SLC2A5: variants seen among roughly 807,000 people sequenced by gnomAD.
SLC2A5 encodes the protein solute carrier family 2 member 5.
SLC2A5 carries 56 observed loss-of-function variants against 50.3 expected under a neutral mutation model. That is an observed-to-expected ratio of 1.11 (90% CI 0.90 to 1.39). The LOEUF (loss-of-function observed/expected upper bound fraction) is 1.39. Ranked by LOEUF, SLC2A5 falls within the 40% of genes most tolerant of loss-of-function variation. The pLI is 0.00. For synonymous variants in SLC2A5, 269 were observed against 281.9 expected, an observed-to-expected ratio of 0.95 and a Z score of 0.46; for missense variants, 566 against 650.1, an observed-to-expected ratio of 0.87 and a Z score of 1.41.
At chr1:9,078,897 T>C (rs1642321551) in intron 2 of SLC2A5, among the ~76,000 whole-genome samples, 1 of 152,186 alleles carries the variant, frequency 6.6e-6, no homozygotes, top group South Asian at 2.1e-4. Context: ...GAAGGAATCA[T>C]TAACAGATTC....
At chr1:9,045,700 T>G (rs1178527601) in intron 4 of SLC2A5, among the ~76,000 whole-genome samples, 1 of 151,696 alleles carries the variant, frequency 6.6e-6, no homozygotes, top group African/African-American at 2.4e-5. Flanking sequence ...TGAAACCCCA[T>G]CTCTACCAAA....
chr1:9,070,072 GTTTTTTTTTTTT>G (rs56828280), upstream of SLC2A5, among the ~76,000 whole-genome samples: 15 of 62,514 alleles, frequency 2.4e-4, no homozygotes, highest in Admixed American at 1.7e-3. Flanking sequence ...CTCATTTTCT[GTTTTTTTTTTTT>G]TTTTTTTTTT....
chr1:9,061,789 G>A (rs892450902), intron 1 of SLC2A5, among the ~76,000 whole-genome samples: 1 of 152,148 alleles, frequency 6.6e-6, no homozygotes, highest in Non-Finnish European at 1.5e-5. Flanking sequence ...GCACAGCCCA[G>A]CTGGTGGAGC....
intron 1 of SLC2A5, among the ~76,000 whole-genome samples, chr1:9,087,607 C>T (rs1642416489): frequency 6.6e-6 from 1 of 151,936 alleles, no homozygotes; most frequent in South Asian, 2.1e-4. Context: ...AGCAGCGGCC[C>T]TCATCCTGAA....
At chr1:9,052,645 T>C (rs759532592) in intron 3 of SLC2A5, among the ~76,000 whole-genome samples, 10 of 152,288 alleles carry the variant, frequency 6.6e-5, no homozygotes, top group African/African-American at 9.6e-5. Context: ...AGACTATGCA[T>C]GTATTGGAGG....
intron 4 of SLC2A5, among the ~76,000 whole-genome samples, chr1:9,047,208 C>T (rs746478767): frequency 7.9e-5 from 12 of 152,178 alleles, no homozygotes; most frequent in Non-Finnish European, 1.5e-4. Flanking sequence ...GTGATCCTCC[C>T]GCCTCGGCTT....
At chr1:9,089,929 AGTATCCAT>A (rs1238093105), upstream of SLC2A5, among the ~76,000 whole-genome samples, 2 of 152,224 alleles carry the variant, frequency 1.3e-5, no homozygotes, top group African/African-American at 4.8e-5. Context: ...TAATTTGGAC[AGTATCCAT>A]TAATATTACT....
chr1:9,081,335 A>G (rs918262194), intron 2 of SLC2A5, among the ~76,000 whole-genome samples: 1 of 151,060 alleles, frequency 6.6e-6, no homozygotes, highest in Non-Finnish European at 1.5e-5. Context: ...GCCTCAAAAG[A>G]CATTATCAAG....
intron 3 of SLC2A5, among the ~76,000 whole-genome samples, chr1:9,052,493 A>G (rs1318249170): frequency 1.3e-5 from 2 of 152,190 alleles, no homozygotes; most frequent in African/African-American, 4.8e-5. Flanking sequence ...GTCATTACGC[A>G]TTTGTCAAAA....
chr1:9,060,795 C>G (rs535833119), intron 1 of SLC2A5, among the ~76,000 whole-genome samples: 5 of 152,072 alleles, frequency 3.3e-5, no homozygotes, highest in African/African-American at 1.2e-4. Context: ...CATTCATTCA[C>G]TCGTCTATTC....
At chr1:9,052,014 G>C (rs964947882) in intron 3 of SLC2A5, among the ~76,000 whole-genome samples, 1 of 152,190 alleles carries the variant, frequency 6.6e-6, no homozygotes, top group Non-Finnish European at 1.5e-5. Context: ...GGCCAGGCGC[G>C]GTGGCTCACG....
chr1:9,089,807 G>A (rs1449787956), upstream of SLC2A5, among the ~76,000 whole-genome samples: 2 of 152,190 alleles, frequency 1.3e-5, no homozygotes, highest in Non-Finnish European at 2.9e-5. Flanking sequence ...TCATAATGAA[G>A]CCCCCTGACC....
chr1:9,072,303 C>T (rs1007544656), upstream of SLC2A5: 6 of 152,522 alleles, frequency 3.9e-5, no homozygotes, highest in African/African-American at 1.2e-4. Flanking sequence ...TCCTGGCAAA[C>T]CTGAGGCAAG....
intron 3 of SLC2A5, among the ~76,000 whole-genome samples, chr1:9,050,860 C>A (rs548561629): frequency 1.3e-5 from 2 of 152,052 alleles, no homozygotes; most frequent in Admixed American, 6.6e-5. Flanking sequence ...ATATGCATTA[C>A]ATAAAAGTAA....
rs9434679 is a variant in SLC2A5, at chr1:9,054,016, G to A, written c.293+3432C>T. On this transcript the variant is annotated intron_variant, in intron 3 of 11. Transcript: ENST00000377424. The stretch of plus-strand genomic sequence containing the variant: ...AATGAAAAATATAATCATTAAAAAC[G>A]TAGCAGGTTTATTACATCCGAAGAG... Among the ~76,000 whole-genome samples, 454 of 152,024 alleles carry A rather than the reference G, an allele frequency of 3.0e-3. 3 individuals are homozygous for A. The highest frequency in any genetic ancestry group is 0.01 in the African/African-American group (434 of 41,472).
rs34032446 is a variant in SLC2A5, at chr1:9,068,449, C to CT, written c.33+1054dup. ...GGGGCTTCTACTTCCCAGGCCCACT[C>CT]TTTTTTTTTTTTTTTTTTTGAGATG... is the stretch of plus-strand genomic sequence containing the variant. On this transcript the variant is annotated intron_variant, in intron 1 of 11. Transcript: ENST00000377424. Among the ~76,000 whole-genome samples, 245 of 117,378 alleles carry CT rather than the reference C, an allele frequency of 2.1e-3. 4 individuals are homozygous for CT. In the South Asian group the frequency reaches 0.041, roughly 20 times the overall value. 77.0% of individuals were successfully genotyped at this position (117,378 alleles called of 152,430 possible). A position where few individuals can be genotyped will look rare whatever the true frequency, so the allele number is the denominator to read the frequency against.
intron 5 of SLC2A5, 184 bp downstream of exon 5, chr1:9,041,601 G>A (rs779511563): frequency 1.6e-5 from 23 of 1,445,884 alleles, no homozygotes; most frequent in African/African-American, 2.9e-5. Context: ...GTCCCTTATC[G>A]CGCCTTTGTC....
chr1:9,079,726 A>G (rs986774132), intron 2 of SLC2A5, among the ~76,000 whole-genome samples: 25 of 152,198 alleles, frequency 1.6e-4, no homozygotes, highest in African/African-American at 6.0e-4. Context: ...ACCTCAGGTG[A>G]TCTGCCCACC....
intron 3 of SLC2A5, among the ~76,000 whole-genome samples, chr1:9,053,376 T>G (rs1432554233): frequency 1.2e-5 from 1 of 84,582 alleles, no homozygotes; most frequent in African/African-American, 4.8e-5. Context: ...ATTTATATAT[T>G]ATATATATTT....
Sources: gnomAD v4.1 joint callset for allele counts (sites outside exome capture counted in the v4.1 genomes callset) on GRCh38, gnomAD v4.1.1 for gene constraint, MANE v1.5 for transcripts, NCBI Gene and HGNC (gene_info 2026-07-23, HGNC 2026-07-21) for gene names.